The following RAP1GDS1 variants were observed in gnomAD, a reference collection of about 807,000 sequenced individuals.
The protein encoded by RAP1GDS1 is RAP1, GTP-GDP dissociation stimulator 1.
RAP1GDS1 carries 35 observed loss-of-function variants against 71.1 expected under a neutral mutation model. The ratio of observed to expected loss-of-function variants is 0.49; its 90% confidence interval spans 0.38 to 0.65. The LOEUF is 0.65. Ranked by LOEUF, RAP1GDS1 falls within the 30% of genes least tolerant of loss-of-function variation. RAP1GDS1 has a pLI of 0.00. For synonymous variants in RAP1GDS1, 229 were observed against 243.1 expected (o/e 0.94, Z 0.54); for missense variants, 663 against 706.1 (o/e 0.94, Z 0.69).
At chr4:98,281,049 C>G (rs1725008314) in intron 1 of RAP1GDS1, among the ~76,000 whole-genome samples, 1 of 152,020 alleles carries the variant, frequency 6.6e-6, no homozygotes, top group Non-Finnish European at 1.5e-5. Context: ...AGCATGATGC[C>G]TCCAGCTTTG....
intron 6 of RAP1GDS1, among the ~76,000 whole-genome samples, chr4:98,400,816 C>G (rs534316735): frequency 1.3e-5 from 2 of 151,958 alleles, no homozygotes; most frequent in Non-Finnish European, 2.9e-5. Context: ...CACAGTGTAC[C>G]CCATATACAA....
chr4:98,375,218 A>C (rs943531188), intron 4 of RAP1GDS1, among the ~76,000 whole-genome samples: 1 of 152,128 alleles, frequency 6.6e-6, no homozygotes. Flanking sequence ...TCTTTGGCTT[A>C]TGGTAGCATA....
chr4:98,320,623 G>T (rs1246479710), intron 2 of RAP1GDS1, among the ~76,000 whole-genome samples: 8 of 145,994 alleles, frequency 5.5e-5, no homozygotes, highest in African/African-American at 2.1e-4. Flanking sequence ...CCTGACCCCC[G>T]AGCAGCCTAA....
rs56813590 is a variant in RAP1GDS1, at chr4:98,392,393, G to A, written c.637+313G>A. On this transcript the variant is annotated intron_variant, in intron 6 of 14. Coordinates refer to ENST00000408927, the MANE Select transcript of RAP1GDS1 (RefSeq NM_001100427.2). ...TTGACTTTAATCTTTTTACATGAGG[G>A]ATGGCAATTGTATGTCCACGGGTAA... The A allele has an allele frequency of 2.9e-3, 605 of 207,966 alleles. 7 individuals carry two copies. Among genetic ancestry groups the A allele is most frequent in the African/African-American group, 0.013 (574 of 42,734 alleles). 12.9% of individuals were successfully genotyped at this position (207,966 alleles called of 1,614,324 possible).
chr4:98,270,199 T>C (rs1162571781), intron 1 of RAP1GDS1, among the ~76,000 whole-genome samples: 2 of 152,200 alleles, frequency 1.3e-5, no homozygotes, highest in African/African-American at 4.8e-5. Flanking sequence ...AGAGCCATCA[T>C]AACCTAAACA....
intron 7 of RAP1GDS1, among the ~76,000 whole-genome samples, chr4:98,410,450 A>G (rs976801745): frequency 2.0e-5 from 3 of 152,160 alleles, no homozygotes; most frequent in Non-Finnish European, 4.4e-5. Flanking sequence ...GTAAATTGGT[A>G]CAATTGGGAA....
At chr4:98,358,198 T>C (rs1738220825) in intron 4 of RAP1GDS1, among the ~76,000 whole-genome samples, 1 of 152,168 alleles carries the variant, frequency 6.6e-6, no homozygotes, top group East Asian at 1.9e-4. Context: ...TATCAGGATG[T>C]CATTAATTCC....
intron 1 of RAP1GDS1, among the ~76,000 whole-genome samples, chr4:98,284,054 C>T (rs1331061918): frequency 6.6e-6 from 1 of 152,070 alleles, no homozygotes; most frequent in Non-Finnish European, 1.5e-5. Flanking sequence ...CTTGCAGACA[C>T]ACGTATATCT....
intron 1 of RAP1GDS1, among the ~76,000 whole-genome samples, chr4:98,292,969 A>G (rs1387247733): frequency 6.6e-6 from 1 of 152,164 alleles, no homozygotes; most frequent in Non-Finnish European, 1.5e-5. Flanking sequence ...TATTATTTGG[A>G]ATCATATTAT....
At chr4:98,344,977 C>T (rs1578520303) in intron 3 of RAP1GDS1, among the ~76,000 whole-genome samples, 1 of 152,084 alleles carries the variant, frequency 6.6e-6, no homozygotes, top group Non-Finnish European at 1.5e-5. Context: ...GCATGTGCCA[C>T]CATGCCTGGC....
At chr4:98,429,277 A>G (rs1042242469) in intron 12 of RAP1GDS1, among the ~76,000 whole-genome samples, 14 of 151,814 alleles carry the variant, frequency 9.2e-5, no homozygotes, top group African/African-American at 3.4e-4. Context: ...AAAAAAAGAA[A>G]AGAAACTATG....
chr4:98,275,468 A>G (rs1218307580), intron 1 of RAP1GDS1, among the ~76,000 whole-genome samples: 2 of 152,162 alleles, frequency 1.3e-5, no homozygotes, highest in Non-Finnish European at 2.9e-5. Context: ...ATAAAATTTT[A>G]TGGGCACTGA....
chr4:98,342,457 A>T (rs1450705078), intron 2 of RAP1GDS1, among the ~76,000 whole-genome samples: 1 of 151,866 alleles, frequency 6.6e-6, no homozygotes, highest in Non-Finnish European at 1.5e-5. Context: ...TTTCAGTAAC[A>T]TACATGAAGT....
chr4:98,392,388 T>C (rs991962444), intron 6 of RAP1GDS1: 17 of 210,916 alleles, frequency 8.1e-5, no homozygotes, highest in Non-Finnish European at 1.5e-4. Context: ...TCTTTTTACA[T>C]GAGGGATGGC....
At position 98,379,104 on chromosome 4, in the gene RAP1GDS1, C is replaced by G. The variant is rs1249265367; in HGVS notation, c.449C>G (p.Ala150Gly). ...LRSLCSITDP[A>G]NEKLLTVFCG... ...TCACTGTGCAGTATAACAGATCCCG[C>G]CAATGAGAAGCTCTTGACTGTCTTT... The change falls in exon 5 of 15, where the codon GCC becomes GGC. Residue 150 changes from alanine to glycine, a missense_variant. By Grantham distance (60) the Ala-to-Gly change is moderately conservative. Transcript: ENST00000408927. 3.1e-6 allele frequency: 5 copies of G among 1,610,508 alleles called. No individual in the cohort carries two copies. Among genetic ancestry groups the G allele is most frequent in the Non-Finnish European group, 4.2e-6 (5 of 1,178,166 alleles).
Position 98,416,773 on chromosome 4 carries a change from A to G in RAP1GDS1, c.792A>G (p.Ala264=). ...NDAIKLQLVE[A]GLVECLLEIV... ...CTATTAAACTACAGCTGGTTGAAGC[A>G]GGCCTAGTAGAGTGTCTACTAGAGA... The change falls in exon 8 of 15, where the codon GCA becomes GCG. Residue 264 remains alanine, a synonymous_variant. Transcript: ENST00000408927. 1 of 1,608,646 alleles carries G rather than the reference A, an allele frequency of 6.2e-7. No homozygotes were observed. Among genetic ancestry groups the G allele is most frequent in the Non-Finnish European group, 8.5e-7 (1 of 1,175,412 alleles).
At chr4:98,399,223 A>G (rs1323044488) in intron 6 of RAP1GDS1, among the ~76,000 whole-genome samples, 2 of 152,230 alleles carry the variant, frequency 1.3e-5, no homozygotes, top group Non-Finnish European at 1.5e-5. Context: ...AAATAGGATC[A>G]TATCAAATGA....
intron 1 of RAP1GDS1, among the ~76,000 whole-genome samples, chr4:98,271,775 C>A (rs566221367): frequency 2.6e-5 from 4 of 152,222 alleles, no homozygotes; most frequent in African/African-American, 9.6e-5. Flanking sequence ...CTACACTTTA[C>A]ATATTTTTAA....
chr4:98,395,100 G>GTATT (rs1358531224), intron 6 of RAP1GDS1, among the ~76,000 whole-genome samples: 2 of 152,082 alleles, frequency 1.3e-5, no homozygotes, highest in Non-Finnish European at 2.9e-5. Context: ...GCAGTCTTTT[G>GTATT]TATTAGAGAA....
Sources: gnomAD v4.1 joint callset for allele counts (sites outside exome capture counted in the v4.1 genomes callset) on GRCh38, gnomAD v4.1.1 for gene constraint, MANE v1.5 for transcripts, NCBI Gene and HGNC (gene_info 2026-07-23, HGNC 2026-07-21) for gene names.